Variants in QTMAN observed in about 807,000 individuals in gnomAD.
QTMAN encodes the protein queuosine-tRNA mannosyltransferase.
At chr2:144,044,876 T>C in the QTMAN span, among the ~76,000 whole-genome samples, 2 of 152,180 alleles carry the variant, frequency 1.3e-5, no homozygotes, top group African/African-American at 4.8e-5. Context: ...TGACTTGAGA[T>C]TTCCTGGTGA....
chr2:143,995,553 A>G, the QTMAN span, among the ~76,000 whole-genome samples: 36 of 152,294 alleles, frequency 2.4e-4, no homozygotes, highest in East Asian at 3.7e-3. Flanking sequence ...CCCATCATAT[A>G]AAGAAGAAAA....
chr2:144,053,849 G>C, the QTMAN span, among the ~76,000 whole-genome samples: 1 of 152,126 alleles, frequency 6.6e-6, no homozygotes, highest in South Asian at 2.1e-4. Flanking sequence ...AACAAACAAT[G>C]TTAGGCAGAT....
At chr2:144,230,336 T>C in the QTMAN span, 1 of 152,250 alleles carries the variant, frequency 6.6e-6, no homozygotes, top group East Asian at 1.9e-4. Context: ...TAATAAAATA[T>C]TAAGATGAAA....
At chr2:144,112,946 C>G in the QTMAN span, among the ~76,000 whole-genome samples, 40 of 152,090 alleles carry the variant, frequency 2.6e-4, no homozygotes, top group African/African-American at 9.7e-4. Context: ...GGCAGCACCC[C>G]CTTCACACAT....
the QTMAN span, among the ~76,000 whole-genome samples, chr2:144,247,742 C>T: frequency 6.6e-6 from 1 of 152,160 alleles, no homozygotes; most frequent in Non-Finnish European, 1.5e-5. Context: ...GGCACAATTT[C>T]AGTTCACTGC....
chr2:144,004,616 G>C, the QTMAN span, among the ~76,000 whole-genome samples: 3 of 151,916 alleles, frequency 2.0e-5, no homozygotes, highest in South Asian at 6.2e-4. Context: ...AACTCTAATG[G>C]GCTTAGAACA....
At chr2:144,258,069 T>A in the QTMAN span, among the ~76,000 whole-genome samples, 2 of 148,916 alleles carry the variant, frequency 1.3e-5, no homozygotes, top group African/African-American at 2.5e-5. Context: ...ACCAATGAAG[T>A]GACAACAACA....
chr2:144,021,838 T>C, the QTMAN span, among the ~76,000 whole-genome samples: 5 of 152,180 alleles, frequency 3.3e-5, no homozygotes, highest in Non-Finnish European at 5.9e-5. Context: ...AGTTGAGATA[T>C]ACTCATATTG....
chr2:144,292,243 C>G, the QTMAN span, among the ~76,000 whole-genome samples: 3 of 152,148 alleles, frequency 2.0e-5, no homozygotes, highest in Non-Finnish European at 4.4e-5. Flanking sequence ...GTCTAATCAC[C>G]AACAGCTCCC....
the QTMAN span, among the ~76,000 whole-genome samples, chr2:144,245,107 G>A: frequency 6.6e-6 from 1 of 152,194 alleles, no homozygotes; most frequent in Non-Finnish European, 1.5e-5. Flanking sequence ...CTTGGCATGA[G>A]TAAGTGCTTA....
chr2:143,997,998 A>T, the QTMAN span, among the ~76,000 whole-genome samples: 2 of 152,058 alleles, frequency 1.3e-5, no homozygotes, highest in Non-Finnish European at 2.9e-5. Context: ...AACTCATGTC[A>T]TTTCAACCCC....
chr2:144,135,260 G>A, the QTMAN span, among the ~76,000 whole-genome samples: 1 of 152,194 alleles, frequency 6.6e-6, no homozygotes, highest in African/African-American at 2.4e-5. Flanking sequence ...ACAGACGGAA[G>A]AAGTTGGATG....
chr2:143,964,303 A>C, the QTMAN span: 1 of 152,172 alleles, frequency 6.6e-6, no homozygotes, highest in Non-Finnish European at 1.5e-5. Flanking sequence ...AATGATAAAA[A>C]AATTATAAGG....
chr2:144,063,534 T>C, the QTMAN span, among the ~76,000 whole-genome samples: 1 of 152,212 alleles, frequency 6.6e-6, no homozygotes, highest in Admixed American at 6.5e-5. Flanking sequence ...TTCTTATGTC[T>C]AAGATGAGTA....
At chr2:144,300,567 A>G in the QTMAN span, among the ~76,000 whole-genome samples, 3 of 152,238 alleles carry the variant, frequency 2.0e-5, no homozygotes, top group Non-Finnish European at 4.4e-5. Context: ...TATGTTTAGA[A>G]GTATTTAGCT....
the QTMAN span, among the ~76,000 whole-genome samples, chr2:144,229,326 G>A: frequency 1.3e-5 from 2 of 152,130 alleles, no homozygotes; most frequent in South Asian, 2.1e-4. Flanking sequence ...TGCCTTTTTT[G>A]TTGAAATATA....
At chr2:144,249,178 T>C in the QTMAN span, among the ~76,000 whole-genome samples, 5 of 152,202 alleles carry the variant, frequency 3.3e-5, no homozygotes, top group Non-Finnish European at 5.9e-5. Context: ...GATTAATAAA[T>C]GACGCAGCAC....
chr2:144,059,876 C>T, the QTMAN span, among the ~76,000 whole-genome samples: 2 of 152,172 alleles, frequency 1.3e-5, no homozygotes, highest in Non-Finnish European at 2.9e-5. Context: ...CTCAGGGACG[C>T]CTTCCCAGGT....
chr2:144,115,739 T>C, the QTMAN span, among the ~76,000 whole-genome samples: 1 of 152,228 alleles, frequency 6.6e-6, no homozygotes, highest in Admixed American at 6.5e-5. Context: ...GTCTTATTTG[T>C]CTTCTCTGTT....
Sources: gnomAD v4.1 joint callset for allele counts (sites outside exome capture counted in the v4.1 genomes callset) on GRCh38, gnomAD v4.1.1 for gene constraint, MANE v1.5 for transcripts, NCBI Gene and HGNC (gene_info 2026-07-23, HGNC 2026-07-21) for gene names.